PCED1B: variants seen among roughly 807,000 people sequenced by gnomAD.
PCED1B encodes PC-esterase domain containing 1B.
For synonymous variants in PCED1B, 251 were observed against 246.1 expected (o/e 1.02, Z -0.19); for missense variants, 573 against 573.9 (o/e 1.00, Z 0.02).
At chr12:47,162,279 A>C (rs945212900) in intron 2 of PCED1B, among the ~76,000 whole-genome samples, 1 of 152,170 alleles carries the variant, frequency 6.6e-6, no homozygotes, top group Non-Finnish European at 1.5e-5. Flanking sequence ...AAAATAAAAG[A>C]AATACCTGAG....
intron 2 of PCED1B, among the ~76,000 whole-genome samples, chr12:47,143,665 C>T (rs73108103): frequency 0.22 from 33,219 of 152,056 alleles, 4,683 homozygotes; most frequent in Non-Finnish European, 0.31. Context: ...TTGAAGCAAG[C>T]TACAAGCTCA....
chr12:47,093,344 T>G (rs896877817), intron 1 of PCED1B, among the ~76,000 whole-genome samples: 2 of 151,554 alleles, frequency 1.3e-5, no homozygotes, highest in Admixed American at 6.5e-5. Context: ...TTTTCATTGC[T>G]GTTGTTGCGA....
At chr12:47,154,247 G>A (rs1055959639) in intron 2 of PCED1B, among the ~76,000 whole-genome samples, 1 of 152,200 alleles carries the variant, frequency 6.6e-6, no homozygotes, top group Non-Finnish European at 1.5e-5. Context: ...GTTACCACAA[G>A]TATTTATTTC....
chr12:47,219,150 A>T (rs1050567573), intron 3 of PCED1B, among the ~76,000 whole-genome samples: 1 of 152,196 alleles, frequency 6.6e-6, no homozygotes, highest in African/African-American at 2.4e-5. Context: ...CAAAAAACAA[A>T]AATAAAAAAG....
rs532185290 is a variant in PCED1B at position 47,180,916 on chromosome 12, A to T, written c.-525-35306A>T. On this transcript the variant is annotated intron_variant, in intron 2 of 3. Coordinates refer to ENST00000546455, the MANE Select transcript of PCED1B (RefSeq NM_138371.3). ...CTTTCATGAGAAAGTATACATATAC[A>T]TACATACATATATGTATGTAGTGGT... Among the ~76,000 whole-genome samples, 4 of 152,158 alleles carry T rather than the reference A, an allele frequency of 2.6e-5. No homozygotes were observed. In the East Asian group the frequency reaches 7.7e-4, roughly 29 times the overall value.
chr12:47,085,903 C>A (rs1937956776), intron 1 of PCED1B, among the ~76,000 whole-genome samples: 1 of 152,102 alleles, frequency 6.6e-6, no homozygotes, highest in African/African-American at 2.4e-5. Flanking sequence ...GAGAAAAACC[C>A]TCTTCTGGCT....
chr12:47,225,984 T>C (rs1178544304), intron 3 of PCED1B, among the ~76,000 whole-genome samples: 3 of 152,362 alleles, frequency 2.0e-5, no homozygotes, highest in African/African-American at 7.2e-5. Context: ...CAATAGTCAA[T>C]GAGTTGTAAT....
chr12:47,212,094 A>AAC (rs1943109822), intron 2 of PCED1B, among the ~76,000 whole-genome samples: 1 of 135,600 alleles, frequency 7.4e-6, no homozygotes, highest in South Asian at 2.3e-4. Context: ...AAAAAAAAAA[A>AAC]CCCAATCTCT....
At chr12:47,124,032 A>G (rs1372543132) in intron 2 of PCED1B, among the ~76,000 whole-genome samples, 1 of 152,076 alleles carries the variant, frequency 6.6e-6, no homozygotes, top group African/African-American at 2.4e-5. Flanking sequence ...TTGATGTATA[A>G]TTGACATACA....
chr12:47,204,267 T>A (rs1207894517), intron 2 of PCED1B, among the ~76,000 whole-genome samples: 1 of 144,988 alleles, frequency 6.9e-6, no homozygotes, highest in Admixed American at 6.8e-5. Context: ...AATTTAAAAT[T>A]TTTTTTTTCT....
intron 2 of PCED1B, among the ~76,000 whole-genome samples, chr12:47,169,769 C>T (rs981679032): frequency 2.0e-5 from 3 of 151,286 alleles, no homozygotes; most frequent in Non-Finnish European, 2.9e-5. Flanking sequence ...ATAGGAAGAT[C>T]GCTTGAGCCC....
chr12:47,228,910 G>C (rs191528958), intron 3 of PCED1B, among the ~76,000 whole-genome samples: 1 of 150,914 alleles, frequency 6.6e-6, no homozygotes, highest in Non-Finnish European at 1.5e-5. Flanking sequence ...GGTAATGTTG[G>C]TAAAGCACCT....
chr12:47,120,729 G>A (rs1403910021), intron 2 of PCED1B, among the ~76,000 whole-genome samples: 2 of 152,246 alleles, frequency 1.3e-5, no homozygotes, highest in South Asian at 2.1e-4. Flanking sequence ...TTGAACCCGG[G>A]AGGCAGAGGT....
intron 2 of PCED1B, among the ~76,000 whole-genome samples, chr12:47,200,317 C>G (rs1337721823): frequency 6.6e-6 from 1 of 152,142 alleles, no homozygotes; most frequent in African/African-American, 2.4e-5. Context: ...AGAAGACATA[C>G]AGATGGCAAA....
At chr12:47,171,022 ACTTTTGAATAC>A (rs1941711873) in intron 2 of PCED1B, among the ~76,000 whole-genome samples, 1 of 148,620 alleles carries the variant, frequency 6.7e-6, no homozygotes, top group Non-Finnish European at 1.5e-5. Context: ...AATAAATGAG[ACTTTTGAATAC>A]CTTTACTTCT....
chr12:47,142,390 C>G (rs1209240339), intron 2 of PCED1B, among the ~76,000 whole-genome samples: 2 of 152,138 alleles, frequency 1.3e-5, no homozygotes, highest in African/African-American at 4.8e-5. Context: ...AATGCACAGA[C>G]ACCAATGCAA....
chr12:47,220,466 C>T (rs554449183), intron 3 of PCED1B, among the ~76,000 whole-genome samples: 4 of 152,308 alleles, frequency 2.6e-5, no homozygotes, highest in South Asian at 2.1e-4. Flanking sequence ...GCCACTATGC[C>T]CAGCCAACCT....
chr12:47,156,289 G>T (rs564520054), intron 2 of PCED1B, among the ~76,000 whole-genome samples: 1 of 152,164 alleles, frequency 6.6e-6, no homozygotes, highest in Non-Finnish European at 1.5e-5. Flanking sequence ...CCTTGACAAT[G>T]TTGGCTGCTG....
At chr12:47,098,595 G>C (rs1444762253) in intron 1 of PCED1B, among the ~76,000 whole-genome samples, 1 of 152,146 alleles carries the variant, frequency 6.6e-6, no homozygotes, top group Non-Finnish European at 1.5e-5. Flanking sequence ...CCATTCTCCT[G>C]CCTCAGCATC....
Sources: allele counts gnomAD v4.1 joint callset (sites outside exome capture counted in the v4.1 genomes callset), GRCh38; gene constraint gnomAD v4.1.1; transcripts MANE v1.5; gene names NCBI Gene and HGNC (gene_info 2026-07-23, HGNC 2026-07-21).